The following TTC7B variants were observed in gnomAD, a reference collection of about 807,000 sequenced individuals.
TTC7B encodes the protein tetratricopeptide repeat protein 7B.
TTC7B carries 28 observed loss-of-function variants against 106.8 expected under a neutral mutation model. That is an observed-to-expected ratio of 0.26 (90% CI 0.19 to 0.36). The LOEUF (loss-of-function observed/expected upper bound fraction) is 0.36, where lower values mean the gene tolerates loss of function less well. Ranked by LOEUF, TTC7B falls within the 10% of genes least tolerant of loss-of-function variation. TTC7B has a pLI of 1.00. For synonymous variants in TTC7B, 405 were observed against 430.6 expected, an observed-to-expected ratio of 0.94 and a Z score of 0.74; for missense variants, 862 against 1,076.4, an observed-to-expected ratio of 0.80 and a Z score of 2.79.
intron 1 of TTC7B, among the ~76,000 whole-genome samples, chr14:90,789,487 C>T (rs1681559433): frequency 6.6e-6 from 1 of 152,038 alleles, no homozygotes; most frequent in Non-Finnish European, 1.5e-5. Context: ...CTTTAGGAGG[C>T]CTAGACAGGT....
intron 19 of TTC7B, among the ~76,000 whole-genome samples, chr14:90,550,146 G>A (rs536629587): frequency 6.6e-6 from 1 of 152,216 alleles, no homozygotes; most frequent in Admixed American, 6.5e-5. Context: ...AACAATTGCA[G>A]CTCACCTACC....
intron 15 of TTC7B, among the ~76,000 whole-genome samples, chr14:90,634,744 C>A (rs568654086): frequency 6.6e-6 from 1 of 152,070 alleles, no homozygotes; most frequent in Admixed American, 6.5e-5. Flanking sequence ...TGCACACCAG[C>A]CTGGGAGACA....
At chr14:90,647,192 C>T (rs1444682489) in intron 13 of TTC7B, 169 bp from the exon 14 acceptor site, 8 of 634,010 alleles carry the variant, frequency 1.3e-5, no homozygotes, top group South Asian at 5.5e-5. Context: ...ACATGTAAAC[C>T]ATTTCCCTCT....
intron 15 of TTC7B, among the ~76,000 whole-genome samples, chr14:90,620,325 C>A (rs1184744461): frequency 6.6e-6 from 1 of 152,140 alleles, no homozygotes; most frequent in East Asian, 1.9e-4. Flanking sequence ...ACCAAGACTG[C>A]CTAAATGGGA....
rs181806996 is a variant in TTC7B at position 90,734,732 on chromosome 14, C to G, written c.577-4536G>C. ...ATTCCCACCACAGCACTCCTCCTGG[C>G]TAAGGACCTGTGTCCTCATGAGCTT... On this transcript the variant is annotated intron_variant, in intron 4 of 19. Coordinates refer to ENST00000328459, the MANE Select transcript of TTC7B (RefSeq NM_001010854.2). 1.2e-3 allele frequency among the ~76,000 whole-genome samples: 187 copies of G among 152,176 alleles called. 1 individual carries two copies. Among genetic ancestry groups the G allele is most frequent in the African/African-American group, 4.1e-3 (170 of 41,570 alleles).
intron 15 of TTC7B, among the ~76,000 whole-genome samples, chr14:90,630,466 G>A (rs1000517765): frequency 6.6e-6 from 1 of 152,130 alleles, no homozygotes; most frequent in African/African-American, 2.4e-5. Flanking sequence ...AGAAAGTTTC[G>A]TTTCTTTAAA....
intron 15 of TTC7B, among the ~76,000 whole-genome samples, chr14:90,621,131 A>C (rs1029752549): frequency 2.0e-5 from 3 of 146,714 alleles, no homozygotes; most frequent in Non-Finnish European, 4.5e-5. Flanking sequence ...CAGAGGCCAC[A>C]CGGGTTCGGC....
At chr14:90,796,471 C>T (rs72695563) in intron 1 of TTC7B, among the ~76,000 whole-genome samples, 6,460 of 152,252 alleles carry the variant, frequency 0.042, 190 homozygotes, top group Non-Finnish European at 0.058. Flanking sequence ...GTGGCTGGCA[C>T]AGTTCAATGC....
At chr14:90,580,584 G>A (rs1286483) in intron 18 of TTC7B, among the ~76,000 whole-genome samples, 16,947 of 152,190 alleles carry the variant, frequency 0.11, 1,056 homozygotes, top group East Asian at 0.22. Flanking sequence ...ACCGCCTCCC[G>A]GAACCCCCGG....
chr14:90,644,247 A>G, intron 14 of TTC7B, 39 bp from the exon 15 acceptor site: 1 of 1,470,242 alleles, frequency 6.8e-7, no homozygotes, highest in Non-Finnish European at 9.0e-7. Context: ...TTACATACAC[A>G]CATGCACACG....
chr14:90,784,948 C>T (rs1056631268), intron 2 of TTC7B, among the ~76,000 whole-genome samples: 3 of 152,164 alleles, frequency 2.0e-5, no homozygotes, highest in Non-Finnish European at 2.9e-5. Flanking sequence ...AACTGACCAA[C>T]ACCAATACTA....
chr14:90,703,930 A>C (rs1033527699), intron 5 of TTC7B, among the ~76,000 whole-genome samples: 3 of 152,178 alleles, frequency 2.0e-5, no homozygotes, highest in Admixed American at 6.5e-5. Flanking sequence ...AGAAGACAAA[A>C]AGGGCAAAGG....
chr14:90,643,923 G>A, intron 15 of TTC7B, 125 bp downstream of exon 15: 2 of 1,192,000 alleles, frequency 1.7e-6, no homozygotes, highest in Non-Finnish European at 2.4e-6. Flanking sequence ...AACAGTAAAG[G>A]GGATTTTATA....
chr14:90,694,818 T>C (rs531673611), intron 6 of TTC7B, among the ~76,000 whole-genome samples: 575 of 139,796 alleles, frequency 4.1e-3, no homozygotes, highest in African/African-American at 0.014. Flanking sequence ...CATGTATATT[T>C]TATATACATA....
chr14:90,542,016 T>A (rs553481029), intron 19 of TTC7B, among the ~76,000 whole-genome samples: 22 of 152,338 alleles, frequency 1.4e-4, no homozygotes, highest in African/African-American at 5.1e-4. Context: ...CTTGGCTCAC[T>A]GCAAGCTCCG....
intron 4 of TTC7B, among the ~76,000 whole-genome samples, chr14:90,738,257 T>C (rs746964582): frequency 1.3e-5 from 2 of 152,146 alleles, no homozygotes; most frequent in African/African-American, 2.4e-5. Context: ...TTTTAAACAA[T>C]AGCAGCCCTG....
intron 9 of TTC7B, among the ~76,000 whole-genome samples, chr14:90,668,447 G>A (rs1952025): frequency 0.23 from 34,657 of 151,986 alleles, 4,246 homozygotes; most frequent in Non-Finnish European, 0.28. Context: ...TTTTTTTACT[G>A]TACAATGGGT....
chr14:90,796,476 C>T (rs1350542325), intron 1 of TTC7B, among the ~76,000 whole-genome samples: 2 of 152,190 alleles, frequency 1.3e-5, no homozygotes, highest in East Asian at 1.9e-4. Context: ...TGGCACAGTT[C>T]AATGCCCACA....
In TTC7B at chr14:90,757,211, C is replaced by T. The variant is rs118125214; in HGVS notation, c.446-12289G>A. 4.1e-4 allele frequency among the ~76,000 whole-genome samples: 62 copies of T among 152,308 alleles called. No homozygotes were observed. Among genetic ancestry groups the T allele is most frequent in the East Asian group, 1.4e-3 (7 of 5,172 alleles). ...CCCGGAAAGCTCCCCTGAACCACCC[C>T]GTTCCCTCCACTCATGGACTTTTCT... On this transcript the variant is annotated intron_variant, in intron 3 of 19. Transcript: ENST00000328459. The surrounding 1 kb of genome is among the most constrained non-coding windows in gnomAD (Gnocchi z 4.1).
Sources: gnomAD v4.1 joint callset for allele counts (sites outside exome capture counted in the v4.1 genomes callset) on GRCh38, gnomAD v4.1.1 for gene constraint, Gnocchi (gnomAD v3.1) non-coding constraint, MANE v1.5 for transcripts, NCBI Gene and HGNC (gene_info 2026-07-23, HGNC 2026-07-21) for gene names.